SUMF1: variants seen among roughly 807,000 people sequenced by gnomAD.
SUMF1 encodes formylglycine-generating enzyme.
In SUMF1, 48 loss-of-function variants were observed where a neutral mutation model predicts 47.6. The observed-to-expected ratio is 1.01, with a 90% CI of 0.80 to 1.28. SUMF1 has a LOEUF of 1.28. Ranked by LOEUF, SUMF1 falls within the 50% of genes most tolerant of loss-of-function variation. SUMF1 has a pLI of 0.00. For missense variants in SUMF1, 571 were observed against 485.4 expected (o/e 1.18, Z -1.66); for synonymous variants, 230 against 192.1 (o/e 1.20, Z -1.63).
chr3:4,082,355 G>C (rs1484078138), intron 8 of SUMF1, among the ~76,000 whole-genome samples: 2 of 152,026 alleles, frequency 1.3e-5, no homozygotes, highest in African/African-American at 4.8e-5. Flanking sequence ...TGTGGTCCCA[G>C]CTACTCGAGA....
intron 8 of SUMF1, among the ~76,000 whole-genome samples, chr3:4,165,837 T>A (rs1482018527): frequency 2.2e-5 from 3 of 138,494 alleles, no homozygotes; most frequent in Admixed American, 7.4e-5. Flanking sequence ...AAAAAAAAAA[T>A]GCCCGTGGTT....
intron 8 of SUMF1, among the ~76,000 whole-genome samples, chr3:4,112,120 T>G (rs1197444193): frequency 1.3e-5 from 2 of 152,124 alleles, no homozygotes; most frequent in African/African-American, 4.8e-5. Context: ...TTAACTCTAG[T>G]GCAGACTAGC....
At chr3:4,243,067 TC>T (rs2124999162) in intron 8 of SUMF1, among the ~76,000 whole-genome samples, 1 of 152,346 alleles carries the variant, frequency 6.6e-6, no homozygotes, top group South Asian at 2.1e-4. Context: ...TTTATAGTAT[TC>T]TCTGATGGTA....
At chr3:4,145,742 T>C (rs1694178982) in intron 8 of SUMF1, among the ~76,000 whole-genome samples, 1 of 152,180 alleles carries the variant, frequency 6.6e-6, no homozygotes. Context: ...GGTTTCATGA[T>C]GAATGGTTTC....
At chr3:4,247,049 A>G (rs1362781420) in intron 8 of SUMF1, among the ~76,000 whole-genome samples, 3 of 152,164 alleles carry the variant, frequency 2.0e-5, no homozygotes, top group Non-Finnish European at 4.4e-5. Flanking sequence ...TCATGTTTTC[A>G]GTATTAATTT....
intron 8 of SUMF1, among the ~76,000 whole-genome samples, chr3:4,337,027 T>C (rs1340366894): frequency 6.6e-6 from 1 of 152,212 alleles, no homozygotes; most frequent in East Asian, 1.9e-4. Context: ...TTGCCTTCTT[T>C]GCAAAACACT....
intron 9 of SUMF1, among the ~76,000 whole-genome samples, chr3:4,058,984 G>T (rs1401893233): frequency 6.6e-6 from 1 of 152,090 alleles, no homozygotes; most frequent in Non-Finnish European, 1.5e-5. Flanking sequence ...ATTCAACAAA[G>T]CTGTAAATAA....
At chr3:4,390,403 T>C (rs1700820920) in intron 7 of SUMF1, among the ~76,000 whole-genome samples, 1 of 152,218 alleles carries the variant, frequency 6.6e-6, no homozygotes, top group African/African-American at 2.4e-5. Context: ...CAGTTTTTTC[T>C]TTGGTGTTTA....
At chr3:4,367,243 C>G (rs1352236295) in intron 8 of SUMF1, among the ~76,000 whole-genome samples, 1 of 152,188 alleles carries the variant, frequency 6.6e-6, no homozygotes, top group Non-Finnish European at 1.5e-5. Context: ...CCACTGCTCT[C>G]TTCAAAGCTG....
intron 1 of SUMF1, among the ~76,000 whole-genome samples, chr3:4,459,339 T>G (rs1575253885): frequency 6.6e-6 from 1 of 151,462 alleles, no homozygotes; most frequent in African/African-American, 2.4e-5. Flanking sequence ...AAAAATAAAA[T>G]TTTAAAAAAC....
At chr3:4,427,886 T>C (rs1173560139) in intron 3 of SUMF1, among the ~76,000 whole-genome samples, 8 of 152,156 alleles carry the variant, frequency 5.3e-5, no homozygotes, top group African/African-American at 9.7e-5. Context: ...AAAAGTGATC[T>C]AGTTTACTCA....
chr3:4,439,250 T>C (rs1362186823), intron 3 of SUMF1, among the ~76,000 whole-genome samples: 1 of 152,140 alleles, frequency 6.6e-6, no homozygotes, highest in Non-Finnish European at 1.5e-5. Flanking sequence ...AGGCCGGGTG[T>C]GGTGGCTCAA....
chr3:4,366,255 T>C (rs571875186), intron 8 of SUMF1, among the ~76,000 whole-genome samples: 2 of 152,242 alleles, frequency 1.3e-5, no homozygotes, highest in African/African-American at 4.8e-5. Flanking sequence ...TGAATCTGAA[T>C]GTTGGCCTGC....
chr3:4,166,047 C>T (rs1694699730), intron 8 of SUMF1, among the ~76,000 whole-genome samples: 1 of 152,068 alleles, frequency 6.6e-6, no homozygotes, highest in Non-Finnish European at 1.5e-5. Context: ...TCCTCCTAGA[C>T]CACAAAGAGG....
At chr3:4,329,525 G>C (rs918293573) in intron 8 of SUMF1, among the ~76,000 whole-genome samples, 25 of 152,222 alleles carry the variant, frequency 1.6e-4, no homozygotes, top group African/African-American at 5.8e-4. Context: ...TTTAGCCATG[G>C]CTGGAGTGGT....
At chr3:4,297,854 A>G (rs1697884980) in intron 8 of SUMF1, among the ~76,000 whole-genome samples, 1 of 152,220 alleles carries the variant, frequency 6.6e-6, no homozygotes, top group Non-Finnish European at 1.5e-5. Flanking sequence ...CTTTGATAAA[A>G]GAATGGCTTC....
chr3:4,124,806 CAA>C lies in SUMF1; in HGVS notation c.1015-56063_1015-56062del, dbSNP rs35086208. Reference sequence around the variant, plus strand: ...AATACTACCTATCTGTATCTAATATCAAAAAAAAAAACTCAGGAAAAATTTTT... The same window carrying C: ...AATACTACCTATCTGTATCTAATATCAAAAAAAAACTCAGGAAAAATTTTT... On this transcript the variant is annotated intron_variant and NMD_transcript_variant, in intron 8 of 12. Transcript: ENST00000448413. 9.3e-5 allele frequency among the ~76,000 whole-genome samples: 14 copies of C among 149,736 alleles called. No homozygotes were observed. In the East Asian group the frequency reaches 2.6e-3, roughly 27 times the overall value.
chr3:4,175,315 C>A (rs1020464307), intron 8 of SUMF1, among the ~76,000 whole-genome samples: 1 of 152,134 alleles, frequency 6.6e-6, no homozygotes, highest in Non-Finnish European at 1.5e-5. Flanking sequence ...CCAGCTGCCC[C>A]TCTGAGATGA....
chr3:4,293,226 A>G (rs929348171), intron 8 of SUMF1, among the ~76,000 whole-genome samples: 7 of 152,202 alleles, frequency 4.6e-5, no homozygotes, highest in African/African-American at 1.7e-4. Flanking sequence ...TGGAAGAGTT[A>G]CATATTATAT....
Sources: gnomAD v4.1 joint callset for allele counts (sites outside exome capture counted in the v4.1 genomes callset) on GRCh38, gnomAD v4.1.1 for gene constraint, MANE v1.5 for transcripts, NCBI Gene and HGNC (gene_info 2026-07-23, HGNC 2026-07-21) for gene names.